The following COL22A1 variants were observed in gnomAD, a reference collection of about 807,000 sequenced individuals.
COL22A1 encodes the protein collagen alpha-1(XXII) chain.
In COL22A1, 221 loss-of-function variants were observed where a neutral mutation model predicts 248.9. The ratio of observed to expected loss-of-function variants is 0.89; its 90% CI spans 0.80 to 0.99. The LOEUF (loss-of-function observed/expected upper bound fraction) is 0.99. Ranked by LOEUF, COL22A1 falls within the 50% of genes least tolerant of loss-of-function variation. The pLI is 0.00. For missense variants in COL22A1, 2,240 were observed against 2,179.0 expected (o/e 1.03, Z -0.56); for synonymous variants, 891 against 793.4 (o/e 1.12, Z -2.07).
chr8:138,793,900 C>A (rs1302603650), intron 12 of COL22A1, among the ~76,000 whole-genome samples: 1 of 152,186 alleles, frequency 6.6e-6, no homozygotes, highest in Non-Finnish European at 1.5e-5. Flanking sequence ...AGAGGAAAGG[C>A]TGGTCCCAGA....
intron 7 of COL22A1, among the ~76,000 whole-genome samples, chr8:138,817,840 T>C (rs1818796626): frequency 6.6e-6 from 1 of 152,162 alleles, no homozygotes; most frequent in Non-Finnish European, 1.5e-5. Context: ...AACAACCCTG[T>C]GGAGGGAGGG....
At chr8:138,793,780 G>T (rs1445974172) in intron 12 of COL22A1, among the ~76,000 whole-genome samples, 1 of 152,206 alleles carries the variant, frequency 6.6e-6, no homozygotes, top group African/African-American at 2.4e-5. Context: ...TGCCCGCTGT[G>T]AGCTCACCCC....
chr8:138,851,438 G>T (rs1461270758), intron 3 of COL22A1, among the ~76,000 whole-genome samples: 1 of 152,220 alleles, frequency 6.6e-6, no homozygotes, highest in African/African-American at 2.4e-5. Flanking sequence ...GCAATGGAGA[G>T]CTCACTCTGC....
chr8:138,878,181 CG>C lies in COL22A1; in HGVS notation c.226del (p.Arg76ValfsTer153). 1 of 1,600,770 alleles carries C rather than the reference CG, an allele frequency of 6.2e-7. No individual in the cohort carries two copies. The highest frequency in any genetic ancestry group is 1.1e-5 in the South Asian group (1 of 88,548). ...DTFEVGPDRT[R>X]VGVVRYSDRP... ...GTCGCTGTAGCGCACGACCCCCACACGGGTGCGGTCGGGGCCCACCTCGAAG... is the reference window on the plus strand; with the variant it reads ...GTCGCTGTAGCGCACGACCCCCACACGGTGCGGTCGGGGCCCACCTCGAAG... On this transcript the variant is annotated frameshift_variant, in exon 3 of 65. Transcript: ENST00000303045. LOFTEE classifies it high-confidence loss of function.
chr8:138,616,212 G>A (rs1587682918), intron 54 of COL22A1, among the ~76,000 whole-genome samples, 158 bp from the exon 55 acceptor site: 1 of 152,148 alleles, frequency 6.6e-6, no homozygotes, highest in Non-Finnish European at 1.5e-5. Flanking sequence ...GTCTGTGGCG[G>A]CCCTGAGTTG....
intron 5 of COL22A1, among the ~76,000 whole-genome samples, chr8:138,828,292 C>T (rs1819758676): frequency 1.3e-5 from 2 of 151,994 alleles, no homozygotes; most frequent in Admixed American, 6.6e-5. Context: ...TGTCCCAAGC[C>T]TTGTAGGAAT....
At chr8:138,677,686 C>T (rs1294133846) in intron 40 of COL22A1, among the ~76,000 whole-genome samples, 1 of 152,150 alleles carries the variant, frequency 6.6e-6, no homozygotes, top group Non-Finnish European at 1.5e-5. Context: ...GGGGTGTTGC[C>T]CCAGATACTA....
intron 46 of COL22A1, 106 bp downstream of exon 46, chr8:138,649,559 C>T: frequency 6.6e-7 from 1 of 1,513,012 alleles, no homozygotes; most frequent in Non-Finnish European, 8.8e-7. Flanking sequence ...AATCTTGAAC[C>T]CCTCAAACCC....
In COL22A1 at chr8:138,750,881, G is replaced by A. The variant is rs191524698; in HGVS notation, c.2085+577C>T. On this transcript the variant is annotated intron_variant, in intron 22 of 64. Transcript: ENST00000303045. ...TGCTGTGGGAGCATTGGAGGGGATA[G>A]GGGTACAACCCAAGCATGCTTCTGC... Among the ~76,000 whole-genome samples the A allele has an allele frequency of 4.6e-5, 7 of 152,326 alleles. No homozygotes were observed. The East Asian group carries it at 1.2e-3, about 25-fold the overall frequency.
intron 47 of COL22A1, among the ~76,000 whole-genome samples, chr8:138,638,360 A>G (rs1472131640): frequency 6.6e-6 from 1 of 152,176 alleles, no homozygotes; most frequent in East Asian, 1.9e-4. Context: ...TCTTAAGCAT[A>G]TCATGTCCAC....
chr8:138,881,299 G>GGA (rs541833308), intron 2 of COL22A1, among the ~76,000 whole-genome samples: 181 of 139,266 alleles, frequency 1.3e-3, no homozygotes, highest in Non-Finnish European at 2.2e-3. Flanking sequence ...GAGAGGCTCA[G>GGA]AAAAAAAAAA....
intron 49 of COL22A1, among the ~76,000 whole-genome samples, chr8:138,631,128 T>G (rs1164392434): frequency 6.6e-6 from 1 of 152,236 alleles, no homozygotes; most frequent in East Asian, 1.9e-4. Context: ...AAGAAGATGC[T>G]GGTATCATGC....
chr8:138,676,453 GAAAGGAAGA>G, intron 41 of COL22A1, 96 bp downstream of exon 41: 2 of 577,004 alleles, frequency 3.5e-6, no homozygotes, highest in East Asian at 3.3e-5. Flanking sequence ...AAGAAAGAAA[GAAAGGAAGA>G]AAGAAAGAAA....
At chr8:138,679,355 C>T (rs970171311) in intron 40 of COL22A1, among the ~76,000 whole-genome samples, 4 of 152,132 alleles carry the variant, frequency 2.6e-5, no homozygotes, top group Non-Finnish European at 5.9e-5. Flanking sequence ...GGCCATGGTC[C>T]ATGTACATCA....
intron 41 of COL22A1, among the ~76,000 whole-genome samples, chr8:138,673,543 G>C (rs954722032): frequency 2.0e-5 from 3 of 152,104 alleles, no homozygotes; most frequent in Admixed American, 6.5e-5. Context: ...CCTTCTTTGA[G>C]GGATCTCACA....
At chr8:138,728,067 C>G (rs1377588535) in intron 23 of COL22A1, among the ~76,000 whole-genome samples, 1 of 152,164 alleles carries the variant, frequency 6.6e-6, no homozygotes. Context: ...GGGTCTTGCT[C>G]TGTTGCCCAG....
At chr8:138,769,588 C>A (rs1445629402) in intron 16 of COL22A1, among the ~76,000 whole-genome samples, 1 of 152,166 alleles carries the variant, frequency 6.6e-6, no homozygotes, top group Non-Finnish European at 1.5e-5. Context: ...GCAGCACATC[C>A]TAAGGTGTCT....
intron 3 of COL22A1, among the ~76,000 whole-genome samples, chr8:138,858,914 G>A (rs1007924926): frequency 1.3e-5 from 2 of 152,136 alleles, no homozygotes; most frequent in African/African-American, 4.8e-5. Flanking sequence ...TTCCCTAGGA[G>A]AGGTTGGAGG....
chr8:138,616,450 T>C (rs1476618507), intron 54 of COL22A1, among the ~76,000 whole-genome samples: 1 of 152,216 alleles, frequency 6.6e-6, no homozygotes, highest in Non-Finnish European at 1.5e-5. Context: ...ACTTCCATTC[T>C]GGGCATTCAG....
Sources: allele counts gnomAD v4.1 joint callset (sites outside exome capture counted in the v4.1 genomes callset), GRCh38; gene constraint gnomAD v4.1.1; transcripts MANE v1.5; gene names NCBI Gene and HGNC (gene_info 2026-07-23, HGNC 2026-07-21).